TET2: variants seen among roughly 807,000 people sequenced by gnomAD.
TET2 encodes the protein methylcytosine dioxygenase TET2.
In TET2, 299 loss-of-function variants were observed where a neutral mutation model predicts 142.9. The observed-to-expected ratio is 2.09, with a 90% CI of 1.90 to 2.30. TET2 has a LOEUF of 2.30. Among genes scored for constraint, TET2 ranks in the 30% most tolerant of loss-of-function variants. TET2 has a pLI of 0.00. For synonymous variants in TET2, 819 were observed against 849.0 expected (o/e 0.96, Z 0.61); for missense variants, 2,418 against 2,378.0 (o/e 1.02, Z -0.35).
At chr4:105,271,087 T>C (rs904080417) in intron 9 of TET2, among the ~76,000 whole-genome samples, 5 of 152,216 alleles carry the variant, frequency 3.3e-5, no homozygotes, top group Non-Finnish European at 7.3e-5. Flanking sequence ...AGGATTTCTG[T>C]CACATTGTTT....
chr4:105,165,920 G>A (rs1182746540), intron 1 of TET2, among the ~76,000 whole-genome samples: 1 of 152,078 alleles, frequency 6.6e-6, no homozygotes, highest in African/African-American at 2.4e-5. Context: ...ACCTTTCTGA[G>A]TCTCTACTAT....
At position 105,234,698 on chromosome 4, in the gene TET2, TAACA is replaced by T. The variant is rs1470787867; in HGVS notation, c.757_760del (p.Asn253ValfsTer39). Reference sequence around the variant, plus strand: ...AAACCACATCTCACATAAATGCCATTAACAGTCAGGCTACTAATGAGTTGTCCTG... The same window carrying T: ...AAACCACATCTCACATAAATGCCATTGTCAGGCTACTAATGAGTTGTCCTG... On this transcript the variant is annotated frameshift_variant, in exon 3 of 11. Coordinates refer to ENST00000380013, the MANE Select transcript of TET2 (RefSeq NM_001127208.3). LOFTEE classifies it high-confidence loss of function. 6.2e-7 allele frequency: 1 copy of T among 1,614,070 alleles called. No individual in the cohort carries two copies. The highest frequency in any genetic ancestry group is 1.3e-5 in the African/African-American group (1 of 75,046).
At chr4:105,163,023 GA>G (rs1299995302) in intron 1 of TET2, among the ~76,000 whole-genome samples, 3 of 151,402 alleles carry the variant, frequency 2.0e-5, no homozygotes, top group Non-Finnish European at 2.9e-5. Context: ...AAAAGGATGA[GA>G]AAAAAAAGTA....
chr4:105,156,032 T>A (rs1723550535), intron 1 of TET2, among the ~76,000 whole-genome samples: 1 of 152,158 alleles, frequency 6.6e-6, no homozygotes, highest in Admixed American at 6.5e-5. Context: ...TTGTCTTCAC[T>A]CTCTCTTGTT....
At chr4:105,151,829 C>A (rs768417812) in intron 1 of TET2, among the ~76,000 whole-genome samples, 1 of 152,114 alleles carries the variant, frequency 6.6e-6, no homozygotes, top group African/African-American at 2.4e-5. Context: ...AATCCCAGCA[C>A]TTTGGGACGA....
In TET2 at chr4:105,278,145, A is replaced by G. The variant is rs1731299139; in HGVS notation, c.*1626A>G. The G allele has an allele frequency of 5.9e-6, 1 of 170,806 alleles. No homozygotes were observed. The highest frequency in any genetic ancestry group is 6.9e-5 in the Admixed American group (1 of 14,534). The allele number at this position is 170,806 out of a possible 1,614,324, so 10.6% of individuals were successfully genotyped here. ...TTTTAATGCAATGCTTTAGTATTTT[A>G]GTACTGTAAAAAAATTAAATATATA... On this transcript the variant is annotated 3_prime_UTR_variant, in exon 11 of 11. Transcript: ENST00000380013.
chr4:105,220,217 G>A (rs1472862019), intron 2 of TET2, among the ~76,000 whole-genome samples: 1 of 151,908 alleles, frequency 6.6e-6, no homozygotes, highest in East Asian at 1.9e-4. Flanking sequence ...CCCATTTGTT[G>A]GCCTTATGTA....
At position 105,236,199 on chromosome 4, in the gene TET2, A is replaced by T; in HGVS notation, c.2257A>T (p.Lys753Ter). 1 of 1,614,086 alleles carries T rather than the reference A, an allele frequency of 6.2e-7. No individual in the cohort carries two copies. The highest frequency in any genetic ancestry group is 8.5e-7 in the Non-Finnish European group (1 of 1,180,002). Residue 753 changes from lysine (K) to a stop codon, truncating the protein, a stop_gained, in exon 3 of 11, where the codon AAA becomes TAA. Transcript: ENST00000380013. LOFTEE classifies it high-confidence loss of function. The stretch of plus-strand genomic sequence containing the variant: ...GCAGCAAAAATTACAAATAAAGAAT[A>T]AAGAGGAAATACTCCAGACTTTTCC... Reference protein sequence around the residue: ...QQQQKLQIKNKEEILQTFPHP... With the variant: ...QQQQKLQIKN
intron 6 of TET2, among the ~76,000 whole-genome samples, chr4:105,253,546 G>GTTT (rs530780808): frequency 2.1e-5 from 3 of 141,968 alleles, no homozygotes; most frequent in African/African-American, 7.6e-5. Context: ...TTTAGATCCA[G>GTTT]TTTTTTTTTT....
intron 1 of TET2, among the ~76,000 whole-genome samples, chr4:105,169,795 T>C (rs1316371785): frequency 3.3e-5 from 5 of 152,212 alleles, no homozygotes; most frequent in Admixed American, 1.3e-4. Flanking sequence ...TTCTTCTATA[T>C]GTGGCTTACC....
chr4:105,242,859 A>C lies in TET2; in HGVS notation c.3526A>C (p.Arg1176=). ...GTTTGGACAGAAGGGTAAAGCTATT[A>C]GGATTGAAAGAGTCATCTATACTGG... ...ERFGQKGKAI[R]IERVIYTGKE... The change falls in exon 5 of 11, where the codon AGG becomes CGG. Residue 1176 remains arginine (R), a synonymous_variant. Transcript: ENST00000380013. 3.2e-6 allele frequency: 5 copies of C among 1,551,392 alleles called. No individual in the cohort carries two copies. The highest frequency in any genetic ancestry group is 4.4e-6 in the Non-Finnish European group (5 of 1,146,844).
chr4:105,172,310 A>G (rs1724517676), intron 1 of TET2: 1 of 152,244 alleles, frequency 6.6e-6, no homozygotes, highest in African/African-American at 2.4e-5. Flanking sequence ...GTTGACTAAC[A>G]CATATTTTCT....
At position 105,205,323 on chromosome 4, in the gene TET2, A is replaced by C. The variant is rs369222942; in HGVS notation, c.-47+14818A>C. On this transcript the variant is annotated intron_variant, in intron 2 of 10. Coordinates refer to ENST00000380013, the MANE Select transcript of TET2 (RefSeq NM_001127208.3). The stretch of plus-strand genomic sequence containing the variant: ...TAACAATATTTTCCTTAACTTCTTA[A>C]TTTTAGCCTGTTTTCCAAGTTAATC... Among the ~76,000 whole-genome samples, 22 of 152,132 alleles carry C rather than the reference A, an allele frequency of 1.4e-4. No individual in the cohort carries two copies. In the East Asian group the frequency reaches 4.3e-3, roughly 29 times the overall value.
intron 2 of TET2, among the ~76,000 whole-genome samples, chr4:105,200,284 A>G (rs1726371984): frequency 6.6e-6 from 1 of 151,944 alleles, no homozygotes; most frequent in African/African-American, 2.4e-5. Context: ...GCATTTCTCT[A>G]ATGATCAGTG....
chr4:105,255,045 G>A (rs551032872), intron 6 of TET2, among the ~76,000 whole-genome samples: 2 of 152,242 alleles, frequency 1.3e-5, no homozygotes, highest in East Asian at 3.9e-4. Context: ...GATTTTCCCT[G>A]TGACCTCATT....
At position 105,190,475 on chromosome 4, in the gene TET2, C is replaced by T. The variant is rs1310102705; in HGVS notation, c.-77C>T. ...TCAGCAGCAGCCAATAGGACATGAT[C>T]CAGGAAGAGCAGTAAGGGACTGAGC... is the stretch of plus-strand genomic sequence containing the variant. On this transcript the variant is annotated 5_prime_UTR_variant, in exon 2 of 11. Coordinates refer to ENST00000380013, the MANE Select transcript of TET2 (RefSeq NM_001127208.3). 2 of 702,048 alleles carry T rather than the reference C, an allele frequency of 2.8e-6. No individual in the cohort carries two copies. The highest frequency in any genetic ancestry group is 2.7e-5 in the East Asian group (1 of 37,264). 43.5% of individuals were successfully genotyped at this position (702,048 alleles called of 1,614,324 possible).
intron 1 of TET2, among the ~76,000 whole-genome samples, chr4:105,152,449 CTA>C (rs1211580351): frequency 6.6e-6 from 1 of 151,926 alleles, no homozygotes; most frequent in African/African-American, 2.4e-5. Flanking sequence ...GCACTGATTT[CTA>C]TGTCTTTCTA....
chr4:105,204,832 G>C (rs1163070859), intron 2 of TET2, among the ~76,000 whole-genome samples: 1 of 151,958 alleles, frequency 6.6e-6, no homozygotes, highest in Non-Finnish European at 1.5e-5. Context: ...GTTAGTGTAT[G>C]TATTTTTTTA....
intron 3 of TET2, chr4:105,240,829 T>G: frequency 9.3e-7 from 1 of 1,079,558 alleles, no homozygotes; most frequent in Non-Finnish European, 1.1e-6. Context: ...CTATTCTTAT[T>G]TGCAAAACAG....
Sources: gnomAD v4.1 joint callset for allele counts (sites outside exome capture counted in the v4.1 genomes callset) on GRCh38, gnomAD v4.1.1 for gene constraint, MANE v1.5 for transcripts, NCBI Gene and HGNC (gene_info 2026-07-23, HGNC 2026-07-21) for gene names.